ZNF589: variants seen among roughly 807,000 people sequenced by gnomAD.
ZNF589 encodes the protein zinc finger protein 589.
A neutral mutation model predicts 13.6 loss-of-function variants in ZNF589; 17 were observed. The observed-to-expected ratio is 1.25, with a 90% CI of 0.86 to 1.88. The LOEUF (loss-of-function observed/expected upper bound fraction) is 1.88, where lower values mean the gene tolerates loss of function less well. ZNF589 is among the 40% of genes most tolerant of loss of function. The probability of loss-of-function intolerance (pLI) is 0.00; values close to 1 mark genes in which losing one functional copy is unlikely to be tolerated. For missense variants in ZNF589, 407 were observed against 434.0 expected, an observed-to-expected ratio of 0.94 and a Z score of 0.55; for synonymous variants, 148 against 161.6, an observed-to-expected ratio of 0.92 and a Z score of 0.64.
intron 3 of ZNF589, 58 bp downstream of exon 3, chr3:48,260,997 G>C: frequency 6.3e-7 from 1 of 1,581,030 alleles, no homozygotes; most frequent in Non-Finnish European, 8.7e-7. Context: ...ACCATATTCA[G>C]TGTGCCAGCC....
intron 2 of ZNF589, among the ~76,000 whole-genome samples, chr3:48,260,025 G>A (rs141837228): frequency 6.6e-6 from 1 of 152,232 alleles, no homozygotes; most frequent in East Asian, 1.9e-4. Context: ...AGTAGAAGTT[G>A]ATTGGTGACT....
At chr3:48,257,876 C>T (rs1475867019) in intron 2 of ZNF589, 1 of 421,874 alleles carries the variant, frequency 2.4e-6, no homozygotes. Context: ...GTGTTGATCT[C>T]TTTCTGGGTT....
chr3:48,241,363 GGGC>G, intron 1 of ZNF589, 149 bp downstream of exon 1: 1 of 992,676 alleles, frequency 1.0e-6, no homozygotes, highest in Non-Finnish European at 1.5e-6. Flanking sequence ...CTCCCCTGGG[GGGC>G]CAGGTTCCTC....
intron 1 of ZNF589, among the ~76,000 whole-genome samples, chr3:48,243,746 C>T (rs1021729039): frequency 6.6e-6 from 1 of 150,502 alleles, no homozygotes; most frequent in African/African-American, 2.5e-5. Context: ...GAGCTTAGAT[C>T]GCGCCACTGT....
At chr3:48,242,946 C>T (rs888840523) in intron 1 of ZNF589, among the ~76,000 whole-genome samples, 3 of 151,912 alleles carry the variant, frequency 2.0e-5, no homozygotes, top group Admixed American at 2.0e-4. Flanking sequence ...TGGTGCCGTA[C>T]ACCTGTAATC....
At chr3:48,245,374 C>T (rs564647272) in intron 1 of ZNF589, among the ~76,000 whole-genome samples, 4 of 151,972 alleles carry the variant, frequency 2.6e-5, no homozygotes, top group Non-Finnish European at 4.4e-5. Flanking sequence ...GGCCACCTAA[C>T]GTGCTGGGAT....
chr3:48,253,593 G>A (rs374964187), intron 2 of ZNF589, among the ~76,000 whole-genome samples: 2 of 150,618 alleles, frequency 1.3e-5, no homozygotes, highest in Non-Finnish European at 3.0e-5. Flanking sequence ...TCTGCCTCCC[G>A]GGTCCACGCC....
intron 1 of ZNF589, among the ~76,000 whole-genome samples, chr3:48,242,551 G>A (rs541778731): frequency 2.3e-4 from 35 of 151,862 alleles, no homozygotes; most frequent in African/African-American, 8.0e-4. Context: ...GGATCCTCCC[G>A]CCTCGGTCTC....
chr3:48,269,066 C>T lies in ZNF589; in HGVS notation c.*280C>T. 1 of 653,910 alleles carries T rather than the reference C, an allele frequency of 1.5e-6. No individual in the cohort carries two copies. The highest frequency in any genetic ancestry group is 2.7e-5 in the Admixed American group (1 of 36,542). The allele number at this position is 653,910 out of a possible 1,614,324, so 40.5% of individuals were successfully genotyped here. ...GCGGGGATTTAGCCGGAGGATAGTC[C>T]TCAATGGACACTGGAGGACACACAC... On this transcript the variant is annotated 3_prime_UTR_variant, in exon 4 of 4. Coordinates refer to ENST00000354698, the MANE Select transcript of ZNF589 (RefSeq NM_016089.3).
At chr3:48,260,714 C>A (rs2033961855) in intron 2 of ZNF589, 99 bp from the exon 3 acceptor site, 2 of 1,562,768 alleles carry the variant, frequency 1.3e-6, no homozygotes, top group East Asian at 2.3e-5. Flanking sequence ...CGGCCTAGAT[C>A]AATTTCTTAT....
rs2034050427 is a variant in ZNF589, at chr3:48,268,583, C to T, written c.892C>T (p.His298Tyr). Reference sequence around the variant, plus strand: ...AGTCCTCCGCAACCACCTGAGTACACACTCCGGGGAGAAACCTTATGTGTG... The same window carrying T: ...AGTCCTCCGCAACCACCTGAGTACATACTCCGGGGAGAAACCTTATGTGTG... ...ESVLRNHLST[H>Y]SGEKPYVCSH... is the part of the protein sequence containing the mutation. Residue 298 changes from histidine (H) to tyrosine (Y), a missense_variant, in exon 4 of 4, where the codon CAC becomes TAC. Physicochemically the swap from His to Tyr is moderately conservative, Grantham distance 83. Transcript: ENST00000354698. 6.2e-7 allele frequency: 1 copy of T among 1,613,868 alleles called. No homozygotes were observed. Among genetic ancestry groups the T allele is most frequent in the African/African-American group, 1.3e-5 (1 of 74,912 alleles).
intron 1 of ZNF589, among the ~76,000 whole-genome samples, chr3:48,241,705 A>G (rs1256052511): frequency 6.6e-6 from 1 of 151,384 alleles, no homozygotes; most frequent in African/African-American, 2.4e-5. Flanking sequence ...TAATTTTTGT[A>G]TTTTTAGTAG....
Position 48,241,148 on chromosome 3 carries a change from C to T in ZNF589, c.-24C>T, listed in dbSNP as rs768856228. The T allele has an allele frequency of 6.9e-6, 11 of 1,601,430 alleles. No individual in the cohort carries two copies. The highest frequency in any genetic ancestry group is 1.7e-5 in the Admixed American group (1 of 58,992). On this transcript the variant is annotated 5_prime_UTR_variant, in exon 1 of 4. Coordinates refer to ENST00000354698, the MANE Select transcript of ZNF589 (RefSeq NM_016089.3). ...ACACACGGTGCTGCTACCTCGTTTG[C>T]TTCGTGCGTGCGTGCGCGCGCAGAT...
intron 3 of ZNF589, 38 bp downstream of exon 3, chr3:48,260,977 G>A (rs1442540103): frequency 6.2e-7 from 1 of 1,609,964 alleles, no homozygotes; most frequent in South Asian, 1.1e-5. Context: ...TTCCATTCAA[G>A]TATTTACTGA....
chr3:48,250,428 A>C (rs2033825398), intron 2 of ZNF589, among the ~76,000 whole-genome samples: 1 of 149,654 alleles, frequency 6.7e-6, no homozygotes, highest in African/African-American at 2.5e-5. Context: ...CTGGGATTAC[A>C]TGTGTGATCC....
chr3:48,253,324 C>G (rs2033859173), intron 2 of ZNF589, among the ~76,000 whole-genome samples: 1 of 152,208 alleles, frequency 6.6e-6, no homozygotes, highest in Non-Finnish European at 1.5e-5. Flanking sequence ...GGCCACCATG[C>G]CCGGCCATCA....
chr3:48,269,442 ATG>A lies in ZNF589; in HGVS notation c.*663_*664del. 2 of 448,308 alleles carry A rather than the reference ATG, an allele frequency of 4.5e-6. No individual in the cohort carries two copies. Among genetic ancestry groups the A allele is most frequent in the Non-Finnish European group, 8.5e-6 (2 of 236,230 alleles). The allele number at this position is 448,308 out of a possible 1,614,324, so 27.8% of individuals were successfully genotyped here. A position where few individuals can be genotyped will look rare whatever the true frequency, so the allele number is the denominator to read the frequency against. On this transcript the variant is annotated 3_prime_UTR_variant, in exon 4 of 4. Coordinates refer to ENST00000354698, the MANE Select transcript of ZNF589 (RefSeq NM_016089.3). ...CAGACACATTCAGGGGAGAAGCCTT[ATG>A]TGTGTGGGGAATGTGGGCGGGGATT...
At chr3:48,264,672 T>TA (rs1338538931) in intron 3 of ZNF589, among the ~76,000 whole-genome samples, 3 of 150,964 alleles carry the variant, frequency 2.0e-5, no homozygotes, top group Non-Finnish European at 4.4e-5. Flanking sequence ...CTACTAAAAA[T>TA]ACAAAAATTA....
intron 1 of ZNF589, among the ~76,000 whole-genome samples, chr3:48,243,549 C>G (rs986206762): frequency 3.3e-5 from 5 of 152,032 alleles, no homozygotes; most frequent in African/African-American, 1.2e-4. Context: ...CGGTGACTCA[C>G]GTTTGTAATC....
Sources: allele counts gnomAD v4.1 joint callset (sites outside exome capture counted in the v4.1 genomes callset), GRCh38; gene constraint gnomAD v4.1.1; transcripts MANE v1.5; gene names NCBI Gene and HGNC (gene_info 2026-07-23, HGNC 2026-07-21).